The following SPECC1L variants were observed in gnomAD, a reference collection of about 807,000 sequenced individuals.
The protein encoded by SPECC1L is cytospin-A.
A neutral mutation model predicts 116.8 loss-of-function variants in SPECC1L; 40 were observed. The observed-to-expected ratio is 0.34, with a 90% CI of 0.27 to 0.45. The LOEUF is 0.45. SPECC1L is among the 20% of genes least tolerant of loss of function. The pLI, the probability that SPECC1L is intolerant of heterozygous loss-of-function variation, is 1.00. For synonymous variants in SPECC1L, 504 were observed against 500.6 expected, an observed-to-expected ratio of 1.01 and a Z score of -0.09; for missense variants, 1,110 against 1,373.6, an observed-to-expected ratio of 0.81 and a Z score of 3.03.
At chr22:24,369,197 C>G in intron 13 of SPECC1L, 21 bp from the exon 14 acceptor site, 1 of 1,570,814 alleles carries the variant, frequency 6.4e-7, no homozygotes, top group Non-Finnish European at 8.8e-7. Flanking sequence ...AATATTTCAA[C>G]TTTGGGTTAC....
intron 2 of SPECC1L, among the ~76,000 whole-genome samples, chr22:24,284,649 A>G (rs986307498): frequency 2.0e-5 from 3 of 152,108 alleles, no homozygotes; most frequent in African/African-American, 7.2e-5. Flanking sequence ...GTTAGCCAGG[A>G]TGGTCTCGAT....
At chr22:24,314,079 C>T (rs894752950) in intron 4 of SPECC1L, among the ~76,000 whole-genome samples, 13 of 151,342 alleles carry the variant, frequency 8.6e-5, no homozygotes, top group African/African-American at 3.2e-4. Context: ...GAGTTTCGCT[C>T]TGTCACCCAG....
At chr22:24,300,353 C>T (rs772012350) in intron 2 of SPECC1L, among the ~76,000 whole-genome samples, 14 of 152,286 alleles carry the variant, frequency 9.2e-5, no homozygotes, top group South Asian at 4.1e-4. Context: ...TGTATATGTA[C>T]CACATTTTCT....
chr22:24,285,807 A>C (rs1241886571), intron 2 of SPECC1L, among the ~76,000 whole-genome samples: 3 of 152,024 alleles, frequency 2.0e-5, no homozygotes, highest in Non-Finnish European at 4.4e-5. Context: ...AAGCCCGGCT[A>C]ATTTTTGTAT....
chr22:24,367,190 C>T (rs550560937), intron 13 of SPECC1L, among the ~76,000 whole-genome samples: 1 of 152,306 alleles, frequency 6.6e-6, no homozygotes, highest in African/African-American at 2.4e-5. Flanking sequence ...GAGACTCTGT[C>T]TTTAAAAAAG....
intron 12 of SPECC1L, among the ~76,000 whole-genome samples, chr22:24,364,102 A>G (rs2041700278): frequency 6.6e-6 from 1 of 152,038 alleles, no homozygotes; most frequent in African/African-American, 2.4e-5. Flanking sequence ...CGACTATGTG[A>G]CTTGTCACTG....
At chr22:24,414,170 G>A (rs189541850) in intron 16 of SPECC1L, among the ~76,000 whole-genome samples, 4 of 152,320 alleles carry the variant, frequency 2.6e-5, no homozygotes, top group African/African-American at 9.6e-5. Context: ...TCCTAGGCCA[G>A]TGCCTGGGGC....
intron 1 of SPECC1L, among the ~76,000 whole-genome samples, chr22:24,272,489 A>G (rs1231801655): frequency 6.6e-6 from 1 of 152,154 alleles, no homozygotes; most frequent in Non-Finnish European, 1.5e-5. Context: ...CCTGGCCAAC[A>G]TGGTGAAACC....
intron 14 of SPECC1L, among the ~76,000 whole-genome samples, chr22:24,406,872 A>T (rs1005505628): frequency 1.3e-5 from 2 of 152,202 alleles, no homozygotes; most frequent in African/African-American, 4.8e-5. Context: ...CTTCATTAGC[A>T]GTTAGAGTTT....
intron 3 of SPECC1L, among the ~76,000 whole-genome samples, chr22:24,306,703 C>T (rs1429153960): frequency 2.0e-5 from 3 of 152,178 alleles, no homozygotes; most frequent in Non-Finnish European, 4.4e-5. Context: ...CAGTTCAGTT[C>T]TGTTAAATAC....
chr22:24,315,398 A>C (rs1276098597), intron 4 of SPECC1L, among the ~76,000 whole-genome samples: 1 of 152,276 alleles, frequency 6.6e-6, no homozygotes, highest in Non-Finnish European at 1.5e-5. Context: ...TGTCTTGGCC[A>C]AGGCCATGCA....
intron 2 of SPECC1L, among the ~76,000 whole-genome samples, chr22:24,283,064 C>T (rs944621973): frequency 2.6e-5 from 4 of 151,180 alleles, no homozygotes; most frequent in African/African-American, 9.7e-5. Flanking sequence ...AGGCGTGAGT[C>T]ACTGTGCCTG....
chr22:24,295,973 G>T (rs181338472), intron 2 of SPECC1L, among the ~76,000 whole-genome samples: 13 of 152,274 alleles, frequency 8.5e-5, no homozygotes, highest in African/African-American at 2.4e-4. Flanking sequence ...TACCAGCACT[G>T]ATGACAACAT....
intron 2 of SPECC1L, among the ~76,000 whole-genome samples, chr22:24,292,466 A>C (rs187142273): frequency 1.3e-5 from 2 of 152,342 alleles, no homozygotes; most frequent in Admixed American, 1.3e-4. Flanking sequence ...ATTTTTTACA[A>C]GAACTCTATA....
chr22:24,412,998 C>T (rs551644085), intron 16 of SPECC1L, among the ~76,000 whole-genome samples: 1 of 152,310 alleles, frequency 6.6e-6, no homozygotes, highest in South Asian at 2.1e-4. Flanking sequence ...TGGGACGGCT[C>T]TTTGCAGTCA....
At chr22:24,369,449 C>T (rs1314203453) in intron 14 of SPECC1L, 129 bp downstream of exon 14, 2 of 743,804 alleles carry the variant, frequency 2.7e-6, no homozygotes, top group East Asian at 5.3e-5. Flanking sequence ...CACCTATAAT[C>T]CTAACACATT....
intron 14 of SPECC1L, among the ~76,000 whole-genome samples, chr22:24,404,765 C>G (rs1306433572): frequency 2.6e-5 from 4 of 152,198 alleles, no homozygotes; most frequent in South Asian, 2.1e-4. Context: ...TCAGCCCTGT[C>G]CAGCAAGATG....
Position 24,414,956 on chromosome 22 carries a change from G to A in SPECC1L, c.*333G>A. 2.9e-6 allele frequency: 1 copy of A among 345,190 alleles called. No homozygotes were observed. 21.4% of individuals were successfully genotyped at this position (345,190 alleles called of 1,614,324 possible). ...ACCAAACAAAAAGGGCTCATGCACA[G>A]CTGAATTTGGGAAAAGGGATTCAGT... is the stretch of plus-strand genomic sequence containing the variant. On this transcript the variant is annotated 3_prime_UTR_variant, in exon 17 of 17. Coordinates refer to ENST00000314328, the MANE Select transcript of SPECC1L (RefSeq NM_015330.6).
At chr22:24,377,487 C>A (rs940040942) in intron 14 of SPECC1L, among the ~76,000 whole-genome samples, 2 of 152,154 alleles carry the variant, frequency 1.3e-5, no homozygotes, top group African/African-American at 4.8e-5. Flanking sequence ...TTCTCATCTT[C>A]TTGTCCATCT....
Sources: gnomAD v4.1 joint callset for allele counts (sites outside exome capture counted in the v4.1 genomes callset) on GRCh38, gnomAD v4.1.1 for gene constraint, MANE v1.5 for transcripts, NCBI Gene and HGNC (gene_info 2026-07-23, HGNC 2026-07-21) for gene names.